The following PBX3 variants were observed in gnomAD, a reference collection of about 807,000 sequenced individuals.
The protein encoded by PBX3 is pre-B-cell leukemia transcription factor 3.
In PBX3, 14 loss-of-function variants were observed where a neutral mutation model predicts 48.5. That is an observed-to-expected ratio of 0.29 (90% confidence interval 0.19 to 0.45). PBX3 has a LOEUF of 0.45. PBX3 is among the 20% of genes least tolerant of loss of function. The pLI is 1.00. For missense variants in PBX3, 386 were observed against 546.7 expected (o/e 0.71, Z 2.93); for synonymous variants, 210 against 200.3 (o/e 1.05, Z -0.41).
At chr9:125,768,989 G>A (rs995621601) in intron 2 of PBX3, among the ~76,000 whole-genome samples, 1 of 152,150 alleles carries the variant, frequency 6.6e-6, no homozygotes, top group African/African-American at 2.4e-5. Context: ...TAAGCAGCTA[G>A]TTCAGCTTGC....
chr9:125,773,680 G>A (rs780944033), intron 2 of PBX3, among the ~76,000 whole-genome samples: 8 of 152,112 alleles, frequency 5.3e-5, no homozygotes, highest in Non-Finnish European at 8.8e-5. Flanking sequence ...GTGAGTGGTC[G>A]TTTTCCACCT....
intron 5 of PBX3, chr9:125,949,475 AG>A: frequency 6.5e-7 from 1 of 1,550,380 alleles, no homozygotes; most frequent in South Asian, 1.2e-5. Context: ...GGTATGAGCC[AG>A]GGAGGGGCAT....
At chr9:125,945,512 A>G (rs1030959609) in intron 5 of PBX3, among the ~76,000 whole-genome samples, 1 of 152,148 alleles carries the variant, frequency 6.6e-6, no homozygotes, top group African/African-American at 2.4e-5. Flanking sequence ...GTATATTCTC[A>G]TAACTTCTTT....
At chr9:125,818,040 A>C (rs562192675) in intron 2 of PBX3, among the ~76,000 whole-genome samples, 1 of 152,228 alleles carries the variant, frequency 6.6e-6, no homozygotes, top group East Asian at 1.9e-4. Context: ...GTCTCTACTG[A>C]AAATGCAAAA....
chr9:125,781,833 G>A (rs550248795), intron 2 of PBX3, among the ~76,000 whole-genome samples: 1 of 151,694 alleles, frequency 6.6e-6, no homozygotes, highest in South Asian at 2.1e-4. Flanking sequence ...GGCATTTATG[G>A]CTATAAATTT....
chr9:125,752,007 A>G (rs916311006), intron 2 of PBX3, among the ~76,000 whole-genome samples: 4 of 152,218 alleles, frequency 2.6e-5, no homozygotes, highest in Non-Finnish European at 5.9e-5. Context: ...TTTAAATGAA[A>G]TCCCACATTT....
At chr9:125,855,202 G>A (rs1300353771) in intron 2 of PBX3, among the ~76,000 whole-genome samples, 2 of 152,058 alleles carry the variant, frequency 1.3e-5, no homozygotes, top group African/African-American at 4.8e-5. Context: ...TAAGCAGAAT[G>A]GAATCAACTT....
chr9:125,960,155 A>T (rs1842395819), intron 5 of PBX3, among the ~76,000 whole-genome samples: 1 of 152,268 alleles, frequency 6.6e-6, no homozygotes. Context: ...TTGAGCAGCC[A>T]TCTTGGCAGA....
chr9:125,900,386 C>T (rs917795887), intron 2 of PBX3, among the ~76,000 whole-genome samples: 1 of 151,580 alleles, frequency 6.6e-6, no homozygotes, highest in South Asian at 2.1e-4. Flanking sequence ...TAATAAGGAG[C>T]TTTCAGTGCT....
intron 2 of PBX3, among the ~76,000 whole-genome samples, chr9:125,889,352 TG>T (rs1840580502): frequency 1.3e-5 from 2 of 152,226 alleles, no homozygotes; most frequent in African/African-American, 4.8e-5. Flanking sequence ...CGCTTGGCAG[TG>T]CACACACGCA....
At chr9:125,779,883 G>T (rs1477537057) in intron 2 of PBX3, among the ~76,000 whole-genome samples, 1 of 115,280 alleles carries the variant, frequency 8.7e-6, no homozygotes, top group African/African-American at 3.4e-5. Context: ...CTGGCCGGGC[G>T]GGGGGCTGAC....
intron 2 of PBX3, among the ~76,000 whole-genome samples, chr9:125,817,842 A>G (rs975743867): frequency 6.6e-6 from 1 of 152,186 alleles, no homozygotes. Context: ...TTCCTTGGAG[A>G]TAAATTCTTG....
intron 2 of PBX3, among the ~76,000 whole-genome samples, chr9:125,888,360 C>G (rs1327889724): frequency 6.6e-6 from 1 of 152,110 alleles, no homozygotes; most frequent in Non-Finnish European, 1.5e-5. Flanking sequence ...ATGGATTTAG[C>G]TCTCAATCAT....
intron 2 of PBX3, among the ~76,000 whole-genome samples, chr9:125,892,377 ATAAGT>A (rs1328276556): frequency 1.3e-5 from 2 of 152,210 alleles, no homozygotes; most frequent in Non-Finnish European, 2.9e-5. Context: ...AATTTCCAAA[ATAAGT>A]TAATTTTTAA....
Position 125,817,985 on chromosome 9 carries a change from G to A in PBX3, c.274+69362G>A, listed in dbSNP as rs894057114. Among the ~76,000 whole-genome samples, 9 of 152,230 alleles carry A rather than the reference G, an allele frequency of 5.9e-5. No homozygotes were observed. The East Asian group carries it at 1.6e-3, about 26-fold the overall frequency. Reference sequence around the variant, plus strand: ...TGGGAGGCCGAGGCGGACGGATCACGAGGTCAGGAGATCGAGACCAGACTG... The same window carrying A: ...TGGGAGGCCGAGGCGGACGGATCACAAGGTCAGGAGATCGAGACCAGACTG... On this transcript the variant is annotated intron_variant, in intron 2 of 8. Coordinates refer to ENST00000373489, the MANE Select transcript of PBX3 (RefSeq NM_006195.6).
chr9:125,966,903 C>A lies in PBX3; in HGVS notation c.*980C>A, dbSNP rs1214401209. Reference sequence around the variant, plus strand: ...ATCTTTTTGCATCTTGTAATTAACTCTTTGTTTCCCTTCATAAAATGTAAT... The same window carrying A: ...ATCTTTTTGCATCTTGTAATTAACTATTTGTTTCCCTTCATAAAATGTAAT... On this transcript the variant is annotated 3_prime_UTR_variant, in exon 9 of 9. Coordinates refer to ENST00000373489, the MANE Select transcript of PBX3 (RefSeq NM_006195.6). The A allele has an allele frequency of 6.6e-6, 1 of 152,556 alleles. No individual in the cohort carries two copies. Among genetic ancestry groups the A allele is most frequent in the South Asian group, 2.1e-4 (1 of 4,832 alleles). The allele number at this position is 152,556 out of a possible 1,614,324, so 9.5% of individuals were successfully genotyped here.
chr9:125,780,307 G>C (rs542496045), intron 2 of PBX3, among the ~76,000 whole-genome samples: 1 of 137,048 alleles, frequency 7.3e-6, no homozygotes, highest in Non-Finnish European at 1.6e-5. Context: ...CTTCCCAGTA[G>C]GGGCGGCTGG....
rs79746349 is a variant in PBX3 at position 125,942,311 on chromosome 9, G to A, written c.843+6704G>A. ...CCAGGGCCCAGGCTGCAGAGTGCTG[G>A]TTTGTGAGGCACGGACCTTGGATAA... On this transcript the variant is annotated intron_variant, in intron 5 of 8. Coordinates refer to ENST00000373489, the MANE Select transcript of PBX3 (RefSeq NM_006195.6). Among the ~76,000 whole-genome samples the A allele has an allele frequency of 1.6e-3, 245 of 152,270 alleles. 6 individuals are homozygous for A. The highest frequency in any genetic ancestry group is 0.012 in the East Asian group (61 of 5,174).
chr9:125,766,459 T>C (rs1014977104), intron 2 of PBX3, among the ~76,000 whole-genome samples: 2 of 152,124 alleles, frequency 1.3e-5, no homozygotes, highest in Non-Finnish European at 2.9e-5. Context: ...TATTCACTTT[T>C]AAAGTTTTAA....
Sources: gnomAD v4.1 joint callset for allele counts (sites outside exome capture counted in the v4.1 genomes callset) on GRCh38, gnomAD v4.1.1 for gene constraint, MANE v1.5 for transcripts, NCBI Gene and HGNC (gene_info 2026-07-23, HGNC 2026-07-21) for gene names.